Variants in VPS8 observed in about 807,000 individuals in gnomAD.
VPS8 encodes the protein vacuolar protein sorting-associated protein 8 homolog.
In VPS8, 129 loss-of-function variants were observed where a neutral mutation model predicts 216.4. The observed-to-expected ratio is 0.60, with a 90% confidence interval of 0.52 to 0.69. VPS8 has a LOEUF of 0.69. Among genes scored for constraint, VPS8 ranks in the 30% least tolerant of loss-of-function variants. The pLI is 0.00. For synonymous variants in VPS8, 571 were observed against 565.4 expected (o/e 1.01, Z -0.14); for missense variants, 1,531 against 1,683.5 (o/e 0.91, Z 1.59).
intron 25 of VPS8, among the ~76,000 whole-genome samples, chr3:184,903,268 A>G (rs1290884484): frequency 6.6e-6 from 1 of 152,150 alleles, no homozygotes; most frequent in Non-Finnish European, 1.5e-5. Flanking sequence ...TATCTAGTAC[A>G]GATTCTTTGC....
Position 184,853,915 on chromosome 3 carries a change from G to A in VPS8, c.880G>A (p.Glu294Lys). 6.2e-7 allele frequency: 1 copy of A among 1,609,796 alleles called. No homozygotes were observed. Residue 294 changes from glutamate to lysine, a missense_variant, in exon 12 of 48, where the codon GAA becomes AAA. Glu to Lys is a moderately conservative substitution (Grantham distance 56). Coordinates refer to ENST00000625842, the MANE Select transcript of VPS8 (RefSeq NM_001009921.3). Reference sequence around the variant, plus strand: ...ATGTCTGTTCAGTGGTTCCAAGGGTGAAGTCTGCTGTATTGAGCCTCTGCA... The same window carrying A: ...ATGTCTGTTCAGTGGTTCCAAGGGTAAAGTCTGCTGTATTGAGCCTCTGCA... ...SRCLFSGSKGEVCCIEPLHSK... is the reference protein window; with the variant it reads ...SRCLFSGSKGKVCCIEPLHSK...
Position 184,894,683 on chromosome 3 carries a change from TCCC to T in VPS8, c.1782-15_1782-13del. ...TTTGGCATGTTCCTAAAAGTTTTTC[TCCC>T]CCCCTTTCTGTTACAGGGATCTTTT... On this transcript the variant is annotated splice_polypyrimidine_tract_variant and intron_variant, in intron 22 of 47. Coordinates refer to ENST00000625842, the MANE Select transcript of VPS8 (RefSeq NM_001009921.3). 6.4e-7 allele frequency: 1 copy of T among 1,556,538 alleles called. No homozygotes were observed. The highest frequency in any genetic ancestry group is 8.7e-7 in the Non-Finnish European group (1 of 1,146,472).
At chr3:184,968,770 G>T (rs1351580822) in intron 39 of VPS8, among the ~76,000 whole-genome samples, 1 of 152,138 alleles carries the variant, frequency 6.6e-6, no homozygotes, top group Non-Finnish European at 1.5e-5. Context: ...GAAGATCAGG[G>T]AATCACTTGG....
intron 24 of VPS8, among the ~76,000 whole-genome samples, chr3:184,900,566 AATC>A (rs1291930766): frequency 6.6e-6 from 1 of 152,190 alleles, no homozygotes; most frequent in Non-Finnish European, 1.5e-5. Flanking sequence ...TTCAGTTTAA[AATC>A]ATCTCTATTA....
At chr3:184,869,952 C>G (rs1728052873) in intron 20 of VPS8, among the ~76,000 whole-genome samples, 1 of 151,968 alleles carries the variant, frequency 6.6e-6, no homozygotes, top group African/African-American at 2.4e-5. Context: ...CCTTCTTAAT[C>G]ACCTTTTCTT....
chr3:184,837,136 T>C (rs1456294766), intron 5 of VPS8, among the ~76,000 whole-genome samples: 1 of 152,198 alleles, frequency 6.6e-6, no homozygotes, highest in Non-Finnish European at 1.5e-5. Flanking sequence ...TTTTGACTTT[T>C]GAGACCCACT....
intron 46 of VPS8, among the ~76,000 whole-genome samples, chr3:185,035,065 G>A (rs567386689): frequency 6.8e-4 from 104 of 152,140 alleles, no homozygotes; most frequent in Non-Finnish European, 9.4e-4. Context: ...TTGTAACTCT[G>A]CATAAACCAA....
intron 36 of VPS8, among the ~76,000 whole-genome samples, chr3:184,953,008 G>A (rs1363468508): frequency 6.6e-6 from 1 of 152,190 alleles, no homozygotes; most frequent in East Asian, 1.9e-4. Flanking sequence ...TCTGGTTAAA[G>A]GTTAATAAGG....
intron 7 of VPS8, 38 bp downstream of exon 7, chr3:184,839,790 G>A: frequency 1.3e-6 from 2 of 1,561,950 alleles, no homozygotes; most frequent in Admixed American, 1.9e-5. Context: ...TAAATATTAA[G>A]TGTCCTTTTG....
At chr3:185,020,590 C>T (rs574137400) in intron 45 of VPS8, among the ~76,000 whole-genome samples, 6 of 152,126 alleles carry the variant, frequency 3.9e-5, no homozygotes, top group African/African-American at 1.4e-4. Flanking sequence ...CCCACCTCAC[C>T]CTCCCAAGTA....
chr3:184,865,830 A>G (rs1727245519), intron 16 of VPS8, among the ~76,000 whole-genome samples: 1 of 152,072 alleles, frequency 6.6e-6, no homozygotes, highest in Admixed American at 6.5e-5. Context: ...TCTACTAAAA[A>G]TACAAAAATT....
intron 45 of VPS8, among the ~76,000 whole-genome samples, chr3:185,005,876 G>A (rs541382290): frequency 3.3e-5 from 5 of 152,034 alleles, no homozygotes; most frequent in Non-Finnish European, 7.4e-5. Flanking sequence ...TTTACCGATT[G>A]GGTGTCCTTT....
At chr3:184,967,439 A>G (rs141812219) in intron 39 of VPS8, among the ~76,000 whole-genome samples, 74 of 152,286 alleles carry the variant, frequency 4.9e-4, no homozygotes, top group African/African-American at 1.3e-3. Context: ...TACAGTTTTA[A>G]CCCAAAGCAG....
chr3:184,996,780 A>G (rs1489958272), intron 44 of VPS8, among the ~76,000 whole-genome samples: 2 of 152,222 alleles, frequency 1.3e-5, no homozygotes, highest in Non-Finnish European at 2.9e-5. Context: ...GAGGGAAAGC[A>G]TATCTGAGGA....
chr3:184,821,224 G>C (rs1717511963), intron 1 of VPS8, among the ~76,000 whole-genome samples: 1 of 152,206 alleles, frequency 6.6e-6, no homozygotes, highest in Non-Finnish European at 1.5e-5. Flanking sequence ...CTAAAAGAAA[G>C]GGGGAAGTTG....
At chr3:184,859,008 C>T (rs1725793438) in intron 14 of VPS8, among the ~76,000 whole-genome samples, 1 of 152,166 alleles carries the variant, frequency 6.6e-6, no homozygotes, top group Non-Finnish European at 1.5e-5. Flanking sequence ...CTGACCTGGA[C>T]ACAACTGTTT....
At chr3:184,906,583 C>T (rs1735540160) in intron 25 of VPS8, among the ~76,000 whole-genome samples, 1 of 152,034 alleles carries the variant, frequency 6.6e-6, no homozygotes, top group Non-Finnish European at 1.5e-5. Flanking sequence ...ACTCAAAAAC[C>T]CAATGAGGTA....
chr3:184,875,409 T>G (rs1351941380), intron 21 of VPS8, among the ~76,000 whole-genome samples: 3 of 152,176 alleles, frequency 2.0e-5, no homozygotes, highest in African/African-American at 7.2e-5. Flanking sequence ...TTGGACAGGT[T>G]GTGGCTTTTA....
At chr3:184,920,267 A>C (rs1395518018) in intron 29 of VPS8, 69 bp downstream of exon 29, 1 of 1,032,820 alleles carries the variant, frequency 9.7e-7, no homozygotes, top group Non-Finnish European at 1.3e-6. Context: ...GTTTTATAGC[A>C]GGTTATAAAA....
Sources: gnomAD v4.1 joint callset for allele counts (sites outside exome capture counted in the v4.1 genomes callset) on GRCh38, gnomAD v4.1.1 for gene constraint, MANE v1.5 for transcripts, NCBI Gene and HGNC (gene_info 2026-07-23, HGNC 2026-07-21) for gene names.